Variants in KCNA4 observed in about 807,000 individuals in gnomAD.
The protein encoded by KCNA4 is cardiac potassium channel.
KCNA4 carries 5 observed loss-of-function variants against 37.2 expected under a neutral mutation model. The ratio of observed to expected loss-of-function variants is 0.13; its 90% confidence interval spans 0.07 to 0.28. The LOEUF is 0.28. Among genes scored for constraint, KCNA4 ranks in the 10% least tolerant of loss-of-function variants. The pLI, the probability that KCNA4 is intolerant of heterozygous loss-of-function variation, is 1.00. For missense variants in KCNA4, 634 were observed against 817.4 expected, an observed-to-expected ratio of 0.78 and a Z score of 2.74; for synonymous variants, 350 against 311.8, an observed-to-expected ratio of 1.12 and a Z score of -1.29.
rs913995748 is a variant in KCNA4, at chr11:30,012,258, A to G, written c.421T>C (p.Tyr141His). Reference sequence around the variant, plus strand: ...TCACCATGGTCATCTTCACTATAGTAAAACCTTCCCTCCTCTTCCTCCTCT... The same window carrying G: ...TCACCATGGTCATCTTCACTATAGTGAAACCTTCCCTCCTCTTCCTCCTCT... ...EEEEEEEGRF[Y>H]YSEDDHGDEC... Residue 141 changes from tyrosine (Y) to histidine (H), a missense_variant, in exon 2 of 2, where the codon TAC becomes CAC. By Grantham distance (83) the Tyr-to-His change is moderately conservative. This residue lies in a region of KCNA4 where 236 missense variants were observed against 229.5 expected (regional missense o/e 1.03). Transcript: ENST00000328224. The G allele has an allele frequency of 1.2e-6, 2 of 1,613,890 alleles. No homozygotes were observed. The highest frequency in any genetic ancestry group is 1.7e-6 in the Non-Finnish European group (2 of 1,180,002).
At position 30,010,753 on chromosome 11, in the gene KCNA4, G is replaced by GTTGTTT. The variant is rs773345251; in HGVS notation, c.1920_1925dup (p.Lys640_Asn641dup). The stretch of plus-strand genomic sequence containing the variant: ...TCTCCACAGCCTTTGCATTAGAACA[G>GTTGTTT]TTGTTTTTATCTGTCTCACTGTCAT... On this transcript the variant is annotated inframe_insertion, in exon 2 of 2. Transcript: ENST00000328224. The GTTGTTT allele has an allele frequency of 1.2e-6, 2 of 1,612,948 alleles. No individual in the cohort carries two copies. The highest frequency in any genetic ancestry group is 4.5e-5 in the East Asian group (2 of 44,882).
Position 30,011,847 on chromosome 11 carries a change from C to T in KCNA4, c.832G>A (p.Glu278Lys). Reference sequence around the variant, plus strand: ...TCGGGGAGGGCCCTGTCTTCCTCTTCTCTCACAAAGCCCTCGTCCTCCCGA... The same window carrying T: ...TCGGGGAGGGCCCTGTCTTCCTCTTTTCTCACAAAGCCCTCGTCCTCCCGA... ...KFREDEGFVR[E>K]EEDRALPENE... The change falls in exon 2 of 2, where the codon GAA becomes AAA. Residue 278 changes from glutamate to lysine, a missense_variant. Physicochemically the swap from Glu to Lys is moderately conservative, Grantham distance 56 (BLOSUM62 1). Around this residue, in one of 8 missense-constraint regions of KCNA4, gnomAD observed 252 missense variants for 344.2 expected, o/e 0.73. Transcript: ENST00000328224. This position sits in a 1 kb window ranked among gnomAD's most constrained non-coding sequence, Gnocchi z 5.6. 1 of 1,614,160 alleles carries T rather than the reference C, an allele frequency of 6.2e-7. No individual in the cohort carries two copies. Among genetic ancestry groups the T allele is most frequent in the Non-Finnish European group, 8.5e-7 (1 of 1,180,036 alleles).
intron 1 of KCNA4, among the ~76,000 whole-genome samples, chr11:30,016,149 C>T (rs1850348443): frequency 6.6e-6 from 1 of 152,032 alleles, no homozygotes; most frequent in Non-Finnish European, 1.5e-5. Context: ...CAAATCCAAA[C>T]GTTGGAAGAG....
At chr11:30,016,100 G>A (rs1190492536) in intron 1 of KCNA4, among the ~76,000 whole-genome samples, 1 of 152,022 alleles carries the variant, frequency 6.6e-6, no homozygotes, top group Non-Finnish European at 1.5e-5. Context: ...CATTTATGCA[G>A]CCCCTATGTA....
At position 30,011,169 on chromosome 11, in the gene KCNA4, G is replaced by A. The variant is rs1299951400; in HGVS notation, c.1510C>T (p.Pro504Ser). The change falls in exon 2 of 2, where the codon CCT becomes TCT. Residue 504 changes from proline (P) to serine (S), a missense_variant. Transcript: ENST00000328224. This position sits in a 1 kb window ranked among gnomAD's most constrained non-coding sequence, Gnocchi z 5.6. ...SAVYFAEADE[P>S]TTHFQSIPDA... is the part of the protein sequence containing the mutation. ...GGGATGCTTTGGAAATGGGTAGTAG[G>A]TTCATCCGCCTCTGCAAAATACACA... is the stretch of plus-strand genomic sequence containing the variant. 1 of 1,614,010 alleles carries A rather than the reference G, an allele frequency of 6.2e-7. No individual in the cohort carries two copies. The highest frequency in any genetic ancestry group is 1.3e-5 in the African/African-American group (1 of 74,908).
chr11:30,010,873 A>C lies in KCNA4; in HGVS notation c.1806T>G (p.Ser602=). The change falls in exon 2 of 2, where the codon TCT becomes TCG. Residue 602 remains serine, a synonymous_variant. Coordinates refer to ENST00000328224, the MANE Select transcript of KCNA4 (RefSeq NM_002233.4). The part of the protein sequence containing the change: ...NLLKKFRSST[S]SSLGDKSEYL... ...ACTCTGACTTGTCCCCCAGGGAAGA[A>C]GAAGTAGAGCTCCGAAATTTCTTGA... The C allele has an allele frequency of 6.2e-7, 1 of 1,614,090 alleles. No homozygotes were observed.
rs1850356563 is a variant in KCNA4 at position 30,016,773 on chromosome 11, A to G, written c.-984T>C. The G allele has an allele frequency of 5.3e-6, 2 of 377,822 alleles. No individual in the cohort carries two copies. The highest frequency in any genetic ancestry group is 9.4e-6 in the Non-Finnish European group (2 of 213,394). 23.4% of individuals were successfully genotyped at this position (377,822 alleles called of 1,614,324 possible). On this transcript the variant is annotated 5_prime_UTR_variant, in exon 1 of 2. Transcript: ENST00000328224. ...TTCTGTTGCCTGGCCCGAGGGGTGC[A>G]CAGAGTCCTCGCGGCTGGAGCCTGG...
chr11:30,010,644 T>G lies in KCNA4; in HGVS notation c.*73A>C. ...ATTGGATCATTTGCATATTTCATTT[T>G]CATAACTGCACTCTCTATGCATAAA... is the stretch of plus-strand genomic sequence containing the variant. On this transcript the variant is annotated 3_prime_UTR_variant, in exon 2 of 2. Transcript: ENST00000328224. 6.5e-7 allele frequency: 1 copy of G among 1,526,798 alleles called. No individual in the cohort carries two copies. 94.6% of individuals were successfully genotyped at this position (1,526,798 alleles called of 1,614,324 possible).
chr11:30,010,377 T>C lies in KCNA4; in HGVS notation c.*340A>G. 4.0e-6 allele frequency: 1 copy of C among 247,958 alleles called. No individual in the cohort carries two copies. Among genetic ancestry groups the C allele is most frequent in the African/African-American group, 2.2e-5 (1 of 44,876 alleles). 15.4% of individuals were successfully genotyped at this position (247,958 alleles called of 1,614,324 possible). ...TCCCTTCACTGCACAATTACTAACA[T>C]TGACAATTTACTTCACACACACACA... On this transcript the variant is annotated 3_prime_UTR_variant, in exon 2 of 2. Coordinates refer to ENST00000328224, the MANE Select transcript of KCNA4 (RefSeq NM_002233.4).
rs932316138 is a variant in KCNA4, at chr11:30,011,762, G to C, written c.917C>G (p.Ala306Gly). The change falls in exon 2 of 2, where the codon GCA becomes GGA. Residue 306 changes from alanine (A) to glycine (G), a missense_variant. Ala to Gly is a moderately conservative substitution (Grantham distance 60, BLOSUM62 0). Around this residue, in one of 8 missense-constraint regions of KCNA4, gnomAD observed 252 missense variants for 344.2 expected, o/e 0.73. Coordinates refer to ENST00000328224, the MANE Select transcript of KCNA4 (RefSeq NM_002233.4). The surrounding 1 kb of genome is among the most constrained non-coding windows in gnomAD (Gnocchi z 5.6). ...LFEYPESSSP[A>G]RGIAIVSVLV... ...GACGGACACAATGGCTATGCCCCTTGCAGGACTGGAGCTCTCTGGATATTC... is the reference window on the plus strand; with the variant it reads ...GACGGACACAATGGCTATGCCCCTTCCAGGACTGGAGCTCTCTGGATATTC... 6.2e-7 allele frequency: 1 copy of C among 1,613,972 alleles called. No individual in the cohort carries two copies. Among genetic ancestry groups the C allele is most frequent in the Non-Finnish European group, 8.5e-7 (1 of 1,180,026 alleles).
intron 1 of KCNA4, among the ~76,000 whole-genome samples, chr11:30,015,287 C>A (rs1219324525): frequency 6.6e-6 from 1 of 152,158 alleles, no homozygotes; most frequent in Admixed American, 6.5e-5. Context: ...AACATCCTTT[C>A]AAGACCGGTA....
chr11:30,011,990 G>A lies in KCNA4; in HGVS notation c.689C>T (p.Ala230Val), dbSNP rs1318857719. ...FFDRNRPSFD[A>V]ILYYYQSGGR... ...TCCTGATTGATAATAATACAAGATG[G>A]CATCAAAGCTGGGGCGGTTCCTGTC... is the stretch of plus-strand genomic sequence containing the variant. Residue 230 changes from alanine (A) to valine (V), a missense_variant, in exon 2 of 2, where the codon GCC (alanine) becomes GTC (valine). Around this residue, in one of 8 missense-constraint regions of KCNA4, gnomAD observed 252 missense variants for 344.2 expected, o/e 0.73. Coordinates refer to ENST00000328224, the MANE Select transcript of KCNA4 (RefSeq NM_002233.4). The surrounding 1 kb of genome is among the most constrained non-coding windows in gnomAD (Gnocchi z 5.6). 1 of 1,614,054 alleles carries A rather than the reference G, an allele frequency of 6.2e-7. No homozygotes were observed. Among genetic ancestry groups the A allele is most frequent in the South Asian group, 1.1e-5 (1 of 91,072 alleles).
At position 30,011,453 on chromosome 11, in the gene KCNA4, A is replaced by G; in HGVS notation, c.1226T>C (p.Ile409Thr). The change falls in exon 2 of 2, where the codon ATT becomes ACT. Residue 409 changes from isoleucine to threonine, a missense_variant. Ile to Thr is a moderately conservative substitution (Grantham distance 89). This residue lies in a region of KCNA4 where 252 missense variants were observed against 344.2 expected (regional missense o/e 0.73). Transcript: ENST00000328224. This position sits in a 1 kb window ranked among gnomAD's most constrained non-coding sequence, Gnocchi z 5.6. ...FFKNIMNIID[I>T]VSILPYFITL... is the part of the protein sequence containing the mutation. ...GATGAAGTAAGGCAAAATGGAGACA[A>G]TGTCAATGATGTTCATGATGTTTTT... 1.2e-6 allele frequency: 2 copies of G among 1,614,154 alleles called. No homozygotes were observed. The highest frequency in any genetic ancestry group is 1.7e-6 in the Non-Finnish European group (2 of 1,180,028).
Position 30,011,561 on chromosome 11 carries a change from A to T in KCNA4, c.1118T>A (p.Ile373Asn). The T allele has an allele frequency of 6.2e-7, 1 of 1,614,144 alleles. No homozygotes were observed. Among genetic ancestry groups the T allele is most frequent in the Non-Finnish European group, 8.5e-7 (1 of 1,180,016 alleles). The change falls in exon 2 of 2, where the codon ATC (isoleucine) becomes AAC (asparagine). Residue 373 changes from isoleucine to asparagine, a missense_variant. Ile to Asn is a moderately radical substitution (Grantham distance 149). This residue lies in a region of KCNA4 where 252 missense variants were observed against 344.2 expected (regional missense o/e 0.73). Transcript: ENST00000328224. The surrounding 1 kb of genome is among the most constrained non-coding windows in gnomAD (Gnocchi z 5.6). ...GHTIFNDPFF[I>N]VETVCIVWFS... ...CCATACAATACAGACTGTTTCCACG[A>T]TGAAGAAGGGGTCATTGAATATTGT...
chr11:30,011,845 T>G lies in KCNA4; in HGVS notation c.834A>C (p.Glu278Asp), dbSNP rs1451387039. 1.9e-6 allele frequency: 3 copies of G among 1,614,108 alleles called. No individual in the cohort carries two copies. The South Asian group carries it at 3.3e-5, about 18-fold the overall frequency. Residue 278 changes from glutamate (E) to aspartate (D), a missense_variant, in exon 2 of 2, where the codon GAA (glutamate) becomes GAC (aspartate). By Grantham distance (45) the Glu-to-Asp change is conservative. Coordinates refer to ENST00000328224, the MANE Select transcript of KCNA4 (RefSeq NM_002233.4). The surrounding 1 kb of genome is among the most constrained non-coding windows in gnomAD (Gnocchi z 5.6). ...KFREDEGFVR[E>D]EEDRALPENE... ...TCTCGGGGAGGGCCCTGTCTTCCTC[T>G]TCTCTCACAAAGCCCTCGTCCTCCC...
At chr11:30,014,165 T>C (rs978688652) in intron 1 of KCNA4, among the ~76,000 whole-genome samples, 3 of 152,058 alleles carry the variant, frequency 2.0e-5, no homozygotes, top group African/African-American at 4.8e-5. Flanking sequence ...TATGTTTTTA[T>C]TGTCTATCTA....
intron 1 of KCNA4, among the ~76,000 whole-genome samples, chr11:30,015,295 G>C (rs887114403): frequency 2.0e-4 from 30 of 152,082 alleles, no homozygotes; most frequent in African/African-American, 6.8e-4. Context: ...TTCAAGACCG[G>C]TACAGACCAA....
At chr11:30,013,864 T>C (rs1275262234) in intron 1 of KCNA4, among the ~76,000 whole-genome samples, 3 of 152,178 alleles carry the variant, frequency 2.0e-5, no homozygotes, top group Non-Finnish European at 4.4e-5. Context: ...TTTTTAAAAT[T>C]TCCACTCATA....
Position 30,012,755 on chromosome 11 carries a change from C to T in KCNA4, c.-77G>A, listed in dbSNP as rs1220727564. ...AAAATAGGGCAGCTTCTTTTCTCACCAAATTAAGGTAAGTTTGGAACCCTT... is the reference window on the plus strand; with the variant it reads ...AAAATAGGGCAGCTTCTTTTCTCACTAAATTAAGGTAAGTTTGGAACCCTT... On this transcript the variant is annotated 5_prime_UTR_variant, in exon 2 of 2. The change creates a premature stop within an existing upstream ORF in the 5' untranslated region. Transcript: ENST00000328224. 1 of 1,503,672 alleles carries T rather than the reference C, an allele frequency of 6.7e-7. No individual in the cohort carries two copies. The highest frequency in any genetic ancestry group is 8.9e-7 in the Non-Finnish European group (1 of 1,125,946). The allele number at this position is 1,503,672 out of a possible 1,614,324, so 93.1% of individuals were successfully genotyped here.
Sources: allele counts gnomAD v4.1 joint callset (sites outside exome capture counted in the v4.1 genomes callset), GRCh38; gene constraint gnomAD v4.1.1; regional missense constraint gnomAD v4.1.1; non-coding constraint Gnocchi (gnomAD v3.1); transcripts MANE v1.5; gene names NCBI Gene and HGNC (gene_info 2026-07-23, HGNC 2026-07-21).